STPG2: variants seen among roughly 807,000 people sequenced by gnomAD.
STPG2 encodes the protein sperm tail PG-rich repeat containing 2, also known as sperm-tail PG-rich repeat-containing protein 2.
A neutral mutation model predicts 54.2 loss-of-function variants in STPG2; 56 were observed. That is an observed-to-expected ratio of 1.03 (90% confidence interval 0.83 to 1.29). The LOEUF (loss-of-function observed/expected upper bound fraction) is 1.29, where lower values mean the gene tolerates loss of function less well. STPG2 is among the 50% of genes most tolerant of loss of function. The pLI is 0.00. For synonymous variants in STPG2, 200 were observed against 181.8 expected, an observed-to-expected ratio of 1.10 and a Z score of -0.81; for missense variants, 596 against 544.9, an observed-to-expected ratio of 1.09 and a Z score of -0.93.
chr4:97,932,224 G>A (rs1578704323), intron 8 of STPG2, among the ~76,000 whole-genome samples: 4 of 152,058 alleles, frequency 2.6e-5, no homozygotes, highest in Admixed American at 2.6e-4. Flanking sequence ...ATGTTTGTTC[G>A]TGTCTTGATT....
chr4:98,026,836 T>A (rs1736439429), intron 5 of STPG2, among the ~76,000 whole-genome samples: 1 of 152,218 alleles, frequency 6.6e-6, no homozygotes, highest in South Asian at 2.1e-4. Context: ...CTAAAGACAG[T>A]ACATTTGTAG....
intron 8 of STPG2, among the ~76,000 whole-genome samples, chr4:97,935,854 G>A (rs1732729302): frequency 6.6e-6 from 1 of 152,110 alleles, no homozygotes; most frequent in East Asian, 1.9e-4. Context: ...TGTCTATTCT[G>A]TTGTTTTGGG....
At position 98,143,340 on chromosome 4, in the gene STPG2, C is replaced by A; in HGVS notation, c.-190G>T. 1.7e-6 allele frequency: 1 copy of A among 574,442 alleles called. No homozygotes were observed. The highest frequency in any genetic ancestry group is 3.1e-6 in the Non-Finnish European group (1 of 320,154). 35.6% of individuals were successfully genotyped at this position (574,442 alleles called of 1,614,324 possible). ...TCATTGATACCAGATTTCCTCAAATCGATTTCTAGCTCTGTGGTAAAGTAG... is the reference window on the plus strand; with the variant it reads ...TCATTGATACCAGATTTCCTCAAATAGATTTCTAGCTCTGTGGTAAAGTAG... On this transcript the variant is annotated 5_prime_UTR_variant, in exon 1 of 11. Transcript: ENST00000295268.
At chr4:97,786,637 G>A (rs908172720) in intron 9 of STPG2, among the ~76,000 whole-genome samples, 4 of 152,066 alleles carry the variant, frequency 2.6e-5, no homozygotes, top group Non-Finnish European at 5.9e-5. Flanking sequence ...AAAGAACTCT[G>A]CATGAAATCT....
At chr4:97,853,188 G>C (rs12503851) in intron 8 of STPG2, among the ~76,000 whole-genome samples, 3 of 151,686 alleles carry the variant, frequency 2.0e-5, no homozygotes, top group African/African-American at 7.3e-5. Flanking sequence ...CCGTGGTCTA[G>C]ATCTCCTGGC....
intron 5 of STPG2, among the ~76,000 whole-genome samples, chr4:98,064,813 A>T (rs778716703): frequency 2.0e-5 from 3 of 152,190 alleles, no homozygotes; most frequent in Non-Finnish European, 2.9e-5. Flanking sequence ...TTCATGATTC[A>T]ACACATGATG....
chr4:97,799,694 GCA>G (rs1560533428), intron 9 of STPG2, among the ~76,000 whole-genome samples: 7 of 152,146 alleles, frequency 4.6e-5, no homozygotes, highest in East Asian at 3.9e-4. Context: ...TATCTTTGTG[GCA>G]TTCTCTGTAT....
At chr4:97,720,806 G>GTT in intron 9 of STPG2, among the ~76,000 whole-genome samples, 2 of 152,058 alleles carry the variant, frequency 1.3e-5, no homozygotes, top group Non-Finnish European at 2.9e-5. Context: ...CACACTGCTA[G>GTT]TTGTCAAGGC....
At chr4:97,460,434 T>A (rs1729634325) in intron 4 of STPG2, among the ~76,000 whole-genome samples, 1 of 152,164 alleles carries the variant, frequency 6.6e-6, no homozygotes, top group East Asian at 1.9e-4. Context: ...TCTTTTTTTT[T>A]TATTTTTATT....
At chr4:97,779,337 T>G (rs1038070913) in intron 9 of STPG2, among the ~76,000 whole-genome samples, 1 of 151,914 alleles carries the variant, frequency 6.6e-6, no homozygotes, top group Non-Finnish European at 1.5e-5. Context: ...TATCAGTGAT[T>G]GAAGATCAAA....
chr4:97,740,817 C>T (rs947361098), intron 9 of STPG2, among the ~76,000 whole-genome samples: 31 of 152,152 alleles, frequency 2.0e-4, no homozygotes, highest in Non-Finnish European at 4.0e-4. Flanking sequence ...AATGCCATCC[C>T]CATCAAGCTA....
intron 9 of STPG2, among the ~76,000 whole-genome samples, chr4:97,819,637 T>C (rs1457278394): frequency 6.6e-6 from 1 of 152,128 alleles, no homozygotes; most frequent in African/African-American, 2.4e-5. Flanking sequence ...ATAAAAATTA[T>C]GCTGTCAACA....
Position 97,731,356 on chromosome 4 carries a change from C to A in STPG2, c.1205-18542G>T, listed in dbSNP as rs1461144332. Among the ~76,000 whole-genome samples the A allele has an allele frequency of 3.4e-4, 52 of 152,024 alleles. 1 individual carries two copies. The highest frequency in any genetic ancestry group is 1.5e-5 in the Non-Finnish European group (1 of 68,016). ...TCCTCAAAGAATTTTTGTTCGGTGGCGTCATTTAGGCTACCTCCAGTATAT... is the reference window on the plus strand; with the variant it reads ...TCCTCAAAGAATTTTTGTTCGGTGGAGTCATTTAGGCTACCTCCAGTATAT... On this transcript the variant is annotated intron_variant, in intron 9 of 10. Coordinates refer to ENST00000295268, the MANE Select transcript of STPG2 (RefSeq NM_174952.3).
At chr4:97,780,541 G>A (rs1051888774) in intron 9 of STPG2, among the ~76,000 whole-genome samples, 1 of 97,544 alleles carries the variant, frequency 1.0e-5, no homozygotes, top group African/African-American at 4.3e-5. Context: ...AAGTTAACAA[G>A]GATATCCAGG....
intron 4 of STPG2, among the ~76,000 whole-genome samples, chr4:97,515,826 A>G (rs1040703171): frequency 2.0e-5 from 3 of 151,700 alleles, no homozygotes; most frequent in Non-Finnish European, 4.4e-5. Context: ...GTATATATAT[A>G]GAGAGAGAGG....
At chr4:97,917,188 A>G (rs921521) in intron 8 of STPG2, 58,227 of 152,404 alleles carry the variant, frequency 0.38, 11,223 homozygotes, top group Middle Eastern at 0.46. Flanking sequence ...TATTCACCAC[A>G]GCAGACCAAA....
At chr4:97,616,549 T>C (rs1733878861) in intron 10 of STPG2, among the ~76,000 whole-genome samples, 1 of 152,124 alleles carries the variant, frequency 6.6e-6, no homozygotes, top group South Asian at 2.1e-4. Context: ...GATATCACTT[T>C]TATTTTAGTA....
chr4:97,928,172 G>T (rs1371171277), intron 8 of STPG2, among the ~76,000 whole-genome samples: 2 of 152,088 alleles, frequency 1.3e-5, no homozygotes, highest in African/African-American at 2.4e-5. Context: ...CTTAAACTTG[G>T]TTTCCATCTG....
At chr4:97,862,196 G>A (rs1356306923) in intron 8 of STPG2, among the ~76,000 whole-genome samples, 1 of 151,120 alleles carries the variant, frequency 6.6e-6, no homozygotes, top group Admixed American at 6.6e-5. Flanking sequence ...TTTATTTTGA[G>A]CCTATGTGTG....
Sources: gnomAD v4.1 joint callset for allele counts (sites outside exome capture counted in the v4.1 genomes callset) on GRCh38, gnomAD v4.1.1 for gene constraint, MANE v1.5 for transcripts, NCBI Gene and HGNC (gene_info 2026-07-23, HGNC 2026-07-21) for gene names.